GPC2: variants seen among roughly 807,000 people sequenced by gnomAD.
The protein encoded by GPC2 is glypican-2.
Under a neutral mutation model 57.3 loss-of-function variants are expected in GPC2, and 42 were observed. The observed-to-expected ratio is 0.73, with a 90% CI of 0.57 to 0.95. The LOEUF (loss-of-function observed/expected upper bound fraction) is 0.95. Among genes scored for constraint, GPC2 ranks in the 40% least tolerant of loss-of-function variants. The pLI, the probability that GPC2 is intolerant of heterozygous loss-of-function variation, is 0.00. For missense variants in GPC2, 745 were observed against 793.6 expected (o/e 0.94, Z 0.74); for synonymous variants, 364 against 343.4 (o/e 1.06, Z -0.66).
chr7:100,170,035 A>C lies in GPC2; in HGVS notation c.*195T>G. On this transcript the variant is annotated 3_prime_UTR_variant, in exon 10 of 10. Transcript: ENST00000292377. The stretch of plus-strand genomic sequence containing the variant: ...CCCCCAGGCCCCCCTCCCATTACCA[A>C]ATGAAAAAATAAATATTGTGAACAC... The C allele has an allele frequency of 2.2e-6, 1 of 446,772 alleles. No individual in the cohort carries two copies. The allele number at this position is 446,772 out of a possible 1,614,324, so 27.7% of individuals were successfully genotyped here.
chr7:100,173,805 C>T (rs772102261), intron 5 of GPC2, 30 bp downstream of exon 5: 5 of 1,493,598 alleles, frequency 3.3e-6, no homozygotes, highest in Non-Finnish European at 4.5e-6. Context: ...GCCACCATGC[C>T]TGGCTCCAGG....
At chr7:100,176,687 G>C (rs573106941) in intron 1 of GPC2, among the ~76,000 whole-genome samples, 1 of 152,292 alleles carries the variant, frequency 6.6e-6, no homozygotes, top group South Asian at 2.1e-4. Context: ...AGGGGATGAA[G>C]AATGGGGCTT....
At position 100,175,747 on chromosome 7, in the gene GPC2, C is replaced by A. The variant is rs150376656; in HGVS notation, c.473G>T (p.Gly158Val). The A allele has an allele frequency of 1.2e-6, 2 of 1,613,998 alleles. No homozygotes were observed. Among genetic ancestry groups the A allele is most frequent in the African/African-American group, 2.7e-5 (2 of 74,896 alleles). ...GAAATCCGCCAGGGTGTCATCCAAC[C>A]CCTCACCAGATTCCCCATAGAAGTC... Reference protein sequence around the residue: ...LRDFYGESGEGLDDTLADFWA... With the variant: ...LRDFYGESGEVLDDTLADFWA... The change falls in exon 3 of 10, where the codon GGG becomes GTG. Residue 158 changes from glycine (G) to valine (V), a missense_variant. This residue lies in a region of GPC2 where 607 missense variants were observed against 603.9 expected (regional missense o/e 1.01). Coordinates refer to ENST00000292377, the MANE Select transcript of GPC2 (RefSeq NM_152742.3).
chr7:100,172,203 G>C lies in GPC2; in HGVS notation c.907C>G (p.Leu303Val), dbSNP rs1417526246. Reference protein sequence around the residue: ...WGNYLDGLLILADKLQGPFSF... With the variant: ...WGNYLDGLLIVADKLQGPFSF... The stretch of plus-strand genomic sequence containing the variant: ...AAGGGGCCCTGGAGCTTATCAGCCA[G>C]GATCAGGAGACCATCTTAAGGGAGG... The change falls in exon 6 of 10, where the codon CTG becomes GTG. Residue 303 changes from leucine to valine, a missense_variant. Coordinates refer to ENST00000292377, the MANE Select transcript of GPC2 (RefSeq NM_152742.3). 1 of 1,613,966 alleles carries C rather than the reference G, an allele frequency of 6.2e-7. No individual in the cohort carries two copies. Among genetic ancestry groups the C allele is most frequent in the Non-Finnish European group, 8.5e-7 (1 of 1,179,962 alleles).
At chr7:100,177,010 T>C in intron 1 of GPC2, 24 bp downstream of exon 1, 1 of 370,048 alleles carries the variant, frequency 2.7e-6, no homozygotes, top group Non-Finnish European at 5.3e-6. Context: ...CCCCCAATTC[T>C]CTAGTCTTCC....
chr7:100,171,680 TG>T lies in GPC2; in HGVS notation c.1171-3del. Reference sequence around the variant, plus strand: ...CAGACGCTCGCGGAGCTCCCACACCTGGGCGGGCGAGAGGGGGCGGGGCGAG... The same window carrying T: ...CAGACGCTCGCGGAGCTCCCACACCTGGCGGGCGAGAGGGGGCGGGGCGAG... On this transcript the variant is annotated splice_region_variant and splice_polypyrimidine_tract_variant and intron_variant, in intron 7 of 9. Coordinates refer to ENST00000292377, the MANE Select transcript of GPC2 (RefSeq NM_152742.3). The surrounding 1 kb of genome is among the most constrained non-coding windows in gnomAD (Gnocchi z 4.8). 1 of 1,490,928 alleles carries T rather than the reference TG, an allele frequency of 6.7e-7. No individual in the cohort carries two copies. The highest frequency in any genetic ancestry group is 8.8e-7 in the Non-Finnish European group (1 of 1,130,750). The allele number at this position is 1,490,928 out of a possible 1,614,324, so 92.4% of individuals were successfully genotyped here. A position where few individuals can be genotyped will look rare whatever the true frequency, so the allele number is the denominator to read the frequency against.
intron 3 of GPC2, among the ~76,000 whole-genome samples, chr7:100,175,257 T>C (rs922362589): frequency 3.3e-5 from 5 of 151,848 alleles, no homozygotes; most frequent in Non-Finnish European, 7.4e-5. Flanking sequence ...GAAGTCAAGG[T>C]GTTACGATTA....
chr7:100,171,611 C>T lies in GPC2; in HGVS notation c.1238G>A (p.Cys413Tyr). 1 of 1,533,346 alleles carries T rather than the reference C, an allele frequency of 6.5e-7. No homozygotes were observed. The highest frequency in any genetic ancestry group is 8.7e-7 in the Non-Finnish European group (1 of 1,153,204). The allele number at this position is 1,533,346 out of a possible 1,614,324, so 95.0% of individuals were successfully genotyped here. Residue 413 changes from cysteine to tyrosine, a missense_variant, in exon 8 of 10, where the codon TGC becomes TAC. By Grantham distance (194) the Cys-to-Tyr change is radical (BLOSUM62 -2). Coordinates refer to ENST00000292377, the MANE Select transcript of GPC2 (RefSeq NM_152742.3). This position sits in a 1 kb window ranked among gnomAD's most constrained non-coding sequence, Gnocchi z 4.8. Reference sequence around the variant, plus strand: ...GTCCGCTGCCATGCGAGAGTCTCCGCACACCGTCAGGGACAGCCGGGCCCA... The same window carrying T: ...GTCCGCTGCCATGCGAGAGTCTCCGTACACCGTCAGGGACAGCCGGGCCCA... ...GFWARLSLTVCGDSRMAADAS... is the reference protein window; with the variant it reads ...GFWARLSLTVYGDSRMAADAS...
At chr7:100,172,685 G>GTA (rs753976401) in intron 5 of GPC2, among the ~76,000 whole-genome samples, 74 of 105,016 alleles carry the variant, frequency 7.0e-4, no homozygotes, top group East Asian at 6.7e-3. Flanking sequence ...GTGTGTGTGT[G>GTA]TATATATATA....
At position 100,171,263 on chromosome 7, in the gene GPC2, G is replaced by T. The variant is rs139741634; in HGVS notation, c.1484C>A (p.Ala495Glu). Residue 495 changes from alanine to glutamate, a missense_variant and splice_region_variant, in exon 9 of 10, where the codon GCG becomes GAG. Physicochemically the swap from Ala to Glu is moderately radical, Grantham distance 107. Transcript: ENST00000292377. This position sits in a 1 kb window ranked among gnomAD's most constrained non-coding sequence, Gnocchi z 4.8. ...GCTCAGGGATGCAGGGGTCTCACCCGCGTCCTGCCCGTCCAGGTCGTGTCC... is the reference window on the plus strand; with the variant it reads ...GCTCAGGGATGCAGGGGTCTCACCCTCGTCCTGCCCGTCCAGGTCGTGTCC... ...ALGHDLDGQD[A>E]DEDASGSGGG... 2 of 1,532,042 alleles carry T rather than the reference G, an allele frequency of 1.3e-6. No individual in the cohort carries two copies. The highest frequency in any genetic ancestry group is 1.8e-6 in the Non-Finnish European group (2 of 1,138,384). The allele number at this position is 1,532,042 out of a possible 1,614,324, so 94.9% of individuals were successfully genotyped here. A position where few individuals can be genotyped will look rare whatever the true frequency, so the allele number is the denominator to read the frequency against.
At chr7:100,172,259 G>C in intron 5 of GPC2, 42 bp from the exon 6 acceptor site, 1 of 1,603,892 alleles carries the variant, frequency 6.2e-7, no homozygotes, top group Non-Finnish European at 8.5e-7. Flanking sequence ...GATGAGTGGT[G>C]ATACTGAACT....
Position 100,171,802 on chromosome 7 carries a change from C to A in GPC2, c.1147G>T (p.Ala383Ser), listed in dbSNP as rs778046393. 1 of 1,571,452 alleles carries A rather than the reference C, an allele frequency of 6.4e-7. No individual in the cohort carries two copies. Among genetic ancestry groups the A allele is most frequent in the East Asian group, 2.3e-5 (1 of 43,128 alleles). ...ACCAGCCGGTGCAGGTTGGTGCCTG[C>A]GGCCGTCGTGGGCCGCTCCTCCTCG... ...VTEEERPTTA[A>S]GTNLHRLVWE... Residue 383 changes from alanine (A) to serine (S), a missense_variant, in exon 7 of 10, where the codon GCA becomes TCA. Ala to Ser is a moderately conservative substitution (Grantham distance 99). Transcript: ENST00000292377. The surrounding 1 kb of genome is among the most constrained non-coding windows in gnomAD (Gnocchi z 4.8).
Position 100,171,170 on chromosome 7 carries a change from A to G in GPC2, c.1486+91T>C. On this transcript the variant is annotated intron_variant, in intron 9 of 9. Coordinates refer to ENST00000292377, the MANE Select transcript of GPC2 (RefSeq NM_152742.3). This position sits in a 1 kb window ranked among gnomAD's most constrained non-coding sequence, Gnocchi z 4.8. ...ATTAGTGAATTAATCAATGAACGCTAAGAGCAGAGGCACGGGCGGGAACTA... is the reference window on the plus strand; with the variant it reads ...ATTAGTGAATTAATCAATGAACGCTGAGAGCAGAGGCACGGGCGGGAACTA... 1 of 1,150,590 alleles carries G rather than the reference A, an allele frequency of 8.7e-7. No individual in the cohort carries two copies. The highest frequency in any genetic ancestry group is 1.6e-5 in the South Asian group (1 of 61,772). 71.3% of individuals were successfully genotyped at this position (1,150,590 alleles called of 1,614,324 possible).
rs1319570991 is a variant in GPC2 at position 100,170,305 on chromosome 7, C to T, written c.1665G>A (p.Gly555=). ...TTTGGGTGTGAAAACCAATAGATGC[C>T]CCCCCACTCCTGCTCCGGCCCTGGT... ...RYNQGRSRSG[G]ASIGFHTQTI... Residue 555 remains glycine, a synonymous_variant, in exon 10 of 10, where the codon GGG becomes GGA. Transcript: ENST00000292377. The T allele has an allele frequency of 3.7e-6, 6 of 1,607,964 alleles. No individual in the cohort carries two copies. Among genetic ancestry groups the T allele is most frequent in the Non-Finnish European group, 5.1e-6 (6 of 1,177,380 alleles).
In GPC2 at chr7:100,175,740, A is replaced by T; in HGVS notation, c.480T>A (p.Asp160Glu). 2 of 1,614,124 alleles carry T rather than the reference A, an allele frequency of 1.2e-6. No individual in the cohort carries two copies. Among genetic ancestry groups the T allele is most frequent in the Non-Finnish European group, 1.7e-6 (2 of 1,180,020 alleles). The change falls in exon 3 of 10, where the codon GAT becomes GAA. Residue 160 changes from aspartate (D) to glutamate (E), a missense_variant. Physicochemically the swap from Asp to Glu is conservative, Grantham distance 45. This residue lies in a region of GPC2 where 607 missense variants were observed against 603.9 expected (regional missense o/e 1.01). Transcript: ENST00000292377. ...GTGCCCAGAAATCCGCCAGGGTGTC[A>T]TCCAACCCCTCACCAGATTCCCCAT... is the stretch of plus-strand genomic sequence containing the variant. ...DFYGESGEGL[D>E]DTLADFWAQL... is the part of the protein sequence containing the mutation.
Position 100,176,141 on chromosome 7 carries a change from G to T in GPC2, c.325+66C>A, listed in dbSNP as rs952921832. The T allele has an allele frequency of 4.2e-6, 6 of 1,442,968 alleles. No individual in the cohort carries two copies. The African/African-American group carries it at 7.1e-5, about 17-fold the overall frequency. 89.4% of individuals were successfully genotyped at this position (1,442,968 alleles called of 1,614,324 possible). A position where few individuals can be genotyped will look rare whatever the true frequency, so the allele number is the denominator to read the frequency against. On this transcript the variant is annotated intron_variant, in intron 2 of 9. Transcript: ENST00000292377. Reference sequence around the variant, plus strand: ...GATGGAGTAAGGAGTGGGGACAGGAGCCTTGCTGGGGTCCTAAGCACCGAG... The same window carrying T: ...GATGGAGTAAGGAGTGGGGACAGGATCCTTGCTGGGGTCCTAAGCACCGAG...
At chr7:100,172,500 C>T (rs1204859808) in intron 5 of GPC2, among the ~76,000 whole-genome samples, 2 of 148,264 alleles carry the variant, frequency 1.3e-5, no homozygotes, top group Non-Finnish European at 3.0e-5. Context: ...CTCACTCTGT[C>T]GCCCAGGCTG....
At chr7:100,176,883 T>C in intron 1 of GPC2, 151 bp downstream of exon 1, 1 of 605,522 alleles carries the variant, frequency 1.7e-6, no homozygotes, top group Non-Finnish European at 2.7e-6. Flanking sequence ...GTGATCCCGG[T>C]AAGGAAGTTA....
intron 1 of GPC2, 23 bp downstream of exon 1, chr7:100,177,011 C>G: frequency 7.0e-6 from 3 of 430,506 alleles, no homozygotes; most frequent in South Asian, 4.0e-5. Flanking sequence ...CCCCAATTCT[C>G]TAGTCTTCCT....
Sources: gnomAD v4.1 joint callset for allele counts (sites outside exome capture counted in the v4.1 genomes callset) on GRCh38, gnomAD v4.1.1 for gene constraint, gnomAD v4.1.1 regional missense constraint, Gnocchi (gnomAD v3.1) non-coding constraint, MANE v1.5 for transcripts, NCBI Gene and HGNC (gene_info 2026-07-23, HGNC 2026-07-21) for gene names.